The following TBC1D4 variants were observed in gnomAD, a reference collection of about 807,000 sequenced individuals.
The protein encoded by TBC1D4 is TBC1 domain family member 4.
Under a neutral mutation model 142.5 loss-of-function variants are expected in TBC1D4, and 121 were observed. The observed-to-expected ratio is 0.85, with a 90% confidence interval of 0.73 to 0.99. The LOEUF (loss-of-function observed/expected upper bound fraction) is 0.99, where lower values mean the gene tolerates loss of function less well. Among genes scored for constraint, TBC1D4 ranks in the 50% least tolerant of loss-of-function variants. The pLI, the probability that TBC1D4 is intolerant of heterozygous loss-of-function variation, is 0.00. For synonymous variants in TBC1D4, 630 were observed against 628.2 expected (o/e 1.00, Z -0.04); for missense variants, 1,475 against 1,606.6 (o/e 0.92, Z 1.40).
At position 75,356,205 on chromosome 13, in the gene TBC1D4, G is replaced by A. The variant is rs140144417; in HGVS notation, c.1217C>T (p.Pro406Leu). Residue 406 changes from proline to leucine, a missense_variant, in exon 4 of 21, where the codon CCA (proline) becomes CTA (leucine). Pro to Leu is a moderately conservative substitution (Grantham distance 98). Coordinates refer to ENST00000377636, the MANE Select transcript of TBC1D4 (RefSeq NM_014832.5). ...DHFGFICRES[P>L]EPGLSQYICY... Reference sequence around the variant, plus strand: ...AATATACTGGCTAAGTCCAGGCTCTGGAGACTCCCGGCAGATAAAGCCAAA... The same window carrying A: ...AATATACTGGCTAAGTCCAGGCTCTAGAGACTCCCGGCAGATAAAGCCAAA... 15 of 1,613,730 alleles carry A rather than the reference G, an allele frequency of 9.3e-6. No homozygotes were observed. Among genetic ancestry groups the A allele is most frequent in the Admixed American group, 1.7e-5 (1 of 59,922 alleles).
chr13:75,332,508 G>A (rs571753630), intron 8 of TBC1D4, among the ~76,000 whole-genome samples: 2 of 152,064 alleles, frequency 1.3e-5, no homozygotes, highest in Non-Finnish European at 2.9e-5. Context: ...TCTGATGCTG[G>A]TGCTTTAAGA....
chr13:75,412,274 GT>G (rs375153680), intron 1 of TBC1D4, among the ~76,000 whole-genome samples: 1 of 151,586 alleles, frequency 6.6e-6, no homozygotes, highest in Non-Finnish European at 1.5e-5. Flanking sequence ...AAGACGTGGG[GT>G]TTTTTTTGTT....
chr13:75,324,796 TTGAC>T (rs2138001642), intron 10 of TBC1D4, among the ~76,000 whole-genome samples: 1 of 152,314 alleles, frequency 6.6e-6, no homozygotes, highest in Non-Finnish European at 1.5e-5. Context: ...TTCAAAGACT[TTGAC>T]TATTTTAAAG....
At chr13:75,334,284 T>C (rs1187868064) in intron 8 of TBC1D4, among the ~76,000 whole-genome samples, 3 of 152,140 alleles carry the variant, frequency 2.0e-5, no homozygotes, top group Non-Finnish European at 4.4e-5. Context: ...TCACCATTTT[T>C]CTTTGAATAT....
intron 1 of TBC1D4, among the ~76,000 whole-genome samples, chr13:75,414,863 C>A (rs1354663315): frequency 6.6e-6 from 1 of 152,104 alleles, no homozygotes; most frequent in Admixed American, 6.5e-5. Flanking sequence ...GTGGCTCATG[C>A]CTGTAATCCC....
chr13:75,439,926 C>T lies in TBC1D4; in HGVS notation c.498+41344G>A, dbSNP rs576090630. On this transcript the variant is annotated intron_variant, in intron 1 of 20. Transcript: ENST00000377636. ...TGCAATATTCCAAACAACTTAAAAT[C>T]TAATATAATAAATGTTTCATTAACA... Among the ~76,000 whole-genome samples, 111 of 152,124 alleles carry T rather than the reference C, an allele frequency of 7.3e-4. 1 individual carries two copies. The highest frequency in any genetic ancestry group is 2.6e-3 in the Admixed American group (39 of 15,278).
At chr13:75,478,318 G>A (rs1458393639) in intron 1 of TBC1D4, among the ~76,000 whole-genome samples, 1 of 152,080 alleles carries the variant, frequency 6.6e-6, no homozygotes, top group Non-Finnish European at 1.5e-5. Flanking sequence ...TATTAGTGGT[G>A]CCCCTTTTGA....
intron 1 of TBC1D4, among the ~76,000 whole-genome samples, chr13:75,374,508 C>T (rs1883393040): frequency 6.6e-6 from 1 of 152,116 alleles, no homozygotes; most frequent in Non-Finnish European, 1.5e-5. Flanking sequence ...TCTTTAACAT[C>T]CAAAACACCT....
intron 10 of TBC1D4, among the ~76,000 whole-genome samples, chr13:75,325,302 C>G (rs189581963): frequency 2.6e-5 from 4 of 152,002 alleles, no homozygotes; most frequent in Admixed American, 2.6e-4. Context: ...TTTTAAATTT[C>G]GAGTCATTCA....
At chr13:75,447,983 A>G (rs1409729299) in intron 1 of TBC1D4, among the ~76,000 whole-genome samples, 1 of 151,526 alleles carries the variant, frequency 6.6e-6, no homozygotes, top group Non-Finnish European at 1.5e-5. Context: ...ATTAAAATGT[A>G]ATAATAATAA....
At chr13:75,425,405 A>C (rs1886337152) in intron 1 of TBC1D4, among the ~76,000 whole-genome samples, 1 of 152,210 alleles carries the variant, frequency 6.6e-6, no homozygotes, top group African/African-American at 2.4e-5. Flanking sequence ...GTCATAATGG[A>C]AAACAGTATA....
Position 75,326,244 on chromosome 13 carries a change from C to A in TBC1D4, c.1986G>T (p.Gln662His). 1 of 1,614,178 alleles carries A rather than the reference C, an allele frequency of 6.2e-7. No individual in the cohort carries two copies. Among genetic ancestry groups the A allele is most frequent in the Non-Finnish European group, 8.5e-7 (1 of 1,180,024 alleles). Reference sequence around the variant, plus strand: ...GCCTCAGCAGAGGGGAACGCACACCCTGAGCCCTCCCATCCTGCAAATTCA... The same window carrying A: ...GCCTCAGCAGAGGGGAACGCACACCATGAGCCCTCCCATCCTGCAAATTCA... ...RKLNLQDGRA[Q>H]GVRSPLLRQS... Residue 662 changes from glutamine to histidine, a missense_variant, in exon 10 of 21, where the codon CAG (glutamine) becomes CAT (histidine). Transcript: ENST00000377636.
chr13:75,343,581 G>C (rs750575892), intron 5 of TBC1D4, among the ~76,000 whole-genome samples: 1 of 151,960 alleles, frequency 6.6e-6, no homozygotes, highest in Non-Finnish European at 1.5e-5. Context: ...GCAATGGCGC[G>C]ATCTCGACTC....
intron 18 of TBC1D4, 150 bp downstream of exon 18, chr13:75,294,704 A>AT: frequency 1.2e-6 from 1 of 820,954 alleles, no homozygotes; most frequent in Non-Finnish European, 1.9e-6. Context: ...TACTGTCAGA[A>AT]CACAGCCAGG....
At chr13:75,359,194 T>A (rs1468024320) in intron 3 of TBC1D4, among the ~76,000 whole-genome samples, 4 of 152,232 alleles carry the variant, frequency 2.6e-5, no homozygotes, top group African/African-American at 9.6e-5. Context: ...AAGTTCTTTT[T>A]AATCTTGTAA....
chr13:75,367,699 A>C (rs1354812153), intron 1 of TBC1D4, among the ~76,000 whole-genome samples: 1 of 152,172 alleles, frequency 6.6e-6, no homozygotes, highest in Non-Finnish European at 1.5e-5. Context: ...TTCCTTTATA[A>C]TTAATTCTGC....
chr13:75,304,357 C>A (rs1876931353), intron 15 of TBC1D4, among the ~76,000 whole-genome samples: 1 of 152,070 alleles, frequency 6.6e-6, no homozygotes, highest in African/African-American at 2.4e-5. Context: ...AGTCAGGATG[C>A]CTCATCATTG....
intron 13 of TBC1D4, among the ~76,000 whole-genome samples, chr13:75,312,424 A>AAAAGCAAG (rs1877853824): frequency 7.4e-6 from 1 of 136,004 alleles, no homozygotes; most frequent in Non-Finnish European, 1.5e-5. Flanking sequence ...GGGAAAAAAA[A>AAAAGCAAG]AAAGAAAGAA....
At chr13:75,343,436 C>A (rs1400398378) in intron 5 of TBC1D4, among the ~76,000 whole-genome samples, 1 of 152,200 alleles carries the variant, frequency 6.6e-6, no homozygotes, top group Non-Finnish European at 1.5e-5. Context: ...AAATTCGGTG[C>A]AAGTCTTGGT....
Sources: allele counts gnomAD v4.1 joint callset (sites outside exome capture counted in the v4.1 genomes callset), GRCh38; gene constraint gnomAD v4.1.1; transcripts MANE v1.5; gene names NCBI Gene and HGNC (gene_info 2026-07-23, HGNC 2026-07-21).